Variants in RHOJ observed in about 807,000 individuals in gnomAD.
RHOJ encodes the protein rho-related GTP-binding protein RhoJ.
A neutral mutation model predicts 23.4 loss-of-function variants in RHOJ; 11 were observed. The observed-to-expected ratio is 0.47, with a 90% CI of 0.30 to 0.78. RHOJ has a LOEUF of 0.78. Ranked by LOEUF, RHOJ falls within the 30% of genes least tolerant of loss-of-function variation. The probability of loss-of-function intolerance (pLI) is 0.08; values close to 1 mark genes in which losing one functional copy is unlikely to be tolerated. For missense variants in RHOJ, 254 were observed against 273.4 expected (o/e 0.93, Z 0.50); for synonymous variants, 102 against 102.7 (o/e 0.99, Z 0.04).
intron 1 of RHOJ, among the ~76,000 whole-genome samples, chr14:63,246,395 G>A (rs778378416): frequency 4.3e-4 from 65 of 152,140 alleles, no homozygotes; most frequent in Middle Eastern, 3.2e-3. Flanking sequence ...GTTTTCTTCG[G>A]AATCTCTATA....
intron 2 of RHOJ, among the ~76,000 whole-genome samples, chr14:63,275,503 C>T (rs1052468506): frequency 1.3e-5 from 2 of 152,124 alleles, no homozygotes; most frequent in Non-Finnish European, 2.9e-5. Flanking sequence ...TTTCGTGTTT[C>T]ATAATCACCC....
intron 1 of RHOJ, among the ~76,000 whole-genome samples, chr14:63,242,341 C>T (rs993975147): frequency 1.3e-5 from 2 of 152,130 alleles, no homozygotes; most frequent in African/African-American, 4.8e-5. Context: ...AGGAGAATGA[C>T]TTAAGACCAG....
At chr14:63,211,070 T>C (rs1005339479) in intron 1 of RHOJ, among the ~76,000 whole-genome samples, 1 of 152,212 alleles carries the variant, frequency 6.6e-6, no homozygotes, top group Non-Finnish European at 1.5e-5. Context: ...AAGTTGTTTT[T>C]ACAGAAAGCT....
At chr14:63,264,349 T>C (rs1895328699) in intron 1 of RHOJ, among the ~76,000 whole-genome samples, 1 of 152,222 alleles carries the variant, frequency 6.6e-6, no homozygotes, top group South Asian at 2.1e-4. Flanking sequence ...AGAACATGAT[T>C]TTATTCTTTT....
intron 1 of RHOJ, among the ~76,000 whole-genome samples, chr14:63,239,610 C>T (rs901902410): frequency 2.0e-5 from 3 of 152,214 alleles, no homozygotes; most frequent in Non-Finnish European, 4.4e-5. Flanking sequence ...CTGAAAGTTG[C>T]TTTGACTAGA....
intron 1 of RHOJ, among the ~76,000 whole-genome samples, chr14:63,207,463 T>C (rs1202114528): frequency 1.3e-5 from 2 of 152,206 alleles, no homozygotes; most frequent in African/African-American, 2.4e-5. Flanking sequence ...CTACAATCAA[T>C]TGTAAAAAAC....
chr14:63,280,511 G>A (rs1881864787), intron 2 of RHOJ, among the ~76,000 whole-genome samples: 1 of 152,112 alleles, frequency 6.6e-6, no homozygotes, highest in Non-Finnish European at 1.5e-5. Context: ...CTGGAAATAT[G>A]CTAAGAGAGT....
intron 2 of RHOJ, among the ~76,000 whole-genome samples, chr14:63,275,179 C>T (rs1205356233): frequency 1.3e-5 from 2 of 151,948 alleles, no homozygotes; most frequent in Non-Finnish European, 2.9e-5. Context: ...ATTACCCAGG[C>T]GTGGTGTGCA....
chr14:63,236,748 AACACAC>A lies in RHOJ; in HGVS notation c.178+31737_178+31742del, dbSNP rs59297455. On this transcript the variant is annotated intron_variant, in intron 1 of 4. Coordinates refer to ENST00000316754, the MANE Select transcript of RHOJ (RefSeq NM_020663.5). ...TCTCTCTTCATGGGAAGAGGCTTGA[AACACAC>A]ACACACACACACACACACACACACA... 4.4e-3 allele frequency among the ~76,000 whole-genome samples: 615 copies of A among 138,442 alleles called. 4 individuals are homozygous for A. Among genetic ancestry groups the A allele is most frequent in the South Asian group, 0.012 (50 of 4,222 alleles). The allele number at this position is 138,442 out of a possible 152,430, so 90.8% of individuals were successfully genotyped here.
At chr14:63,250,807 G>T (rs2139640200) in intron 1 of RHOJ, among the ~76,000 whole-genome samples, 1 of 152,232 alleles carries the variant, frequency 6.6e-6, no homozygotes, top group South Asian at 2.1e-4. Context: ...ACCAAGGTAG[G>T]CAGATCACTT....
Position 63,242,345 on chromosome 14 carries a change from A to C in RHOJ, c.179-26765A>C, listed in dbSNP as rs547127803. Reference sequence around the variant, plus strand: ...CTTGAGGAGGCAGGAGAATGACTTAAGACCAGGAGTTTGAGAACACCCTGG... The same window carrying C: ...CTTGAGGAGGCAGGAGAATGACTTACGACCAGGAGTTTGAGAACACCCTGG... On this transcript the variant is annotated intron_variant, in intron 1 of 4. Transcript: ENST00000316754. 2.6e-5 allele frequency among the ~76,000 whole-genome samples: 4 copies of C among 152,342 alleles called. No homozygotes were observed. The South Asian group carries it at 8.3e-4, about 32-fold the overall frequency.
chr14:63,256,973 G>A (rs1344048474), intron 1 of RHOJ, among the ~76,000 whole-genome samples: 1 of 152,032 alleles, frequency 6.6e-6, no homozygotes, highest in Non-Finnish European at 1.5e-5. Context: ...TCAGGAGTCT[G>A]AGGCAGGAGA....
In RHOJ at chr14:63,209,171, A is replaced by AATTCC. The variant is rs1373429504; in HGVS notation, c.178+4124_178+4125insATTCC. Reference sequence around the variant, plus strand: ...CAAGCCACCATCATCTCTCATCCAAACTACTATAATCAATTCCCAATTCCC... The same window carrying AATTCC: ...CAAGCCACCATCATCTCTCATCCAAAATTCCCTACTATAATCAATTCCCAATTCCC... On this transcript the variant is annotated intron_variant, in intron 1 of 4. Coordinates refer to ENST00000316754, the MANE Select transcript of RHOJ (RefSeq NM_020663.5). Among the ~76,000 whole-genome samples the AATTCC allele has an allele frequency of 4.9e-4, 75 of 152,152 alleles. 1 individual carries two copies. Among genetic ancestry groups the AATTCC allele is most frequent in the African/African-American group, 1.7e-3 (72 of 41,496 alleles).
chr14:63,276,111 A>G (rs1004467331), intron 2 of RHOJ, among the ~76,000 whole-genome samples: 13 of 152,172 alleles, frequency 8.5e-5, no homozygotes, highest in Non-Finnish European at 1.5e-5. Context: ...AGGGAAGAAC[A>G]GTCACCTGTG....
intron 1 of RHOJ, among the ~76,000 whole-genome samples, chr14:63,225,900 A>G (rs761039333): frequency 6.6e-6 from 1 of 152,186 alleles, no homozygotes; most frequent in Admixed American, 6.5e-5. Flanking sequence ...GGTTCACATC[A>G]CAGAAGCTAA....
intron 1 of RHOJ, among the ~76,000 whole-genome samples, chr14:63,214,052 A>G (rs946208091): frequency 3.3e-5 from 5 of 152,208 alleles, no homozygotes; most frequent in African/African-American, 1.2e-4. Flanking sequence ...TATACCAAAT[A>G]CAATACGCAC....
rs547771954 is a variant in RHOJ at position 63,236,455 on chromosome 14, C to T, written c.178+31408C>T. 2.6e-5 allele frequency among the ~76,000 whole-genome samples: 4 copies of T among 152,240 alleles called. No homozygotes were observed. In the East Asian group the frequency reaches 7.7e-4, roughly 29 times the overall value. ...AAAGGTGAGGAGGAGCAAGTCACAT[C>T]CTACGTGGATGGTGTTAGGCAAAGA... is the stretch of plus-strand genomic sequence containing the variant. On this transcript the variant is annotated intron_variant, in intron 1 of 4. Transcript: ENST00000316754.
chr14:63,211,240 A>G (rs1394904968), intron 1 of RHOJ, among the ~76,000 whole-genome samples: 1 of 152,216 alleles, frequency 6.6e-6, no homozygotes, highest in Non-Finnish European at 1.5e-5. Context: ...ATAAAGTCCC[A>G]GGTTTATAAA....
chr14:63,280,884 G>A (rs1881875639), intron 2 of RHOJ, 87 bp from the exon 3 acceptor site: 1 of 1,311,462 alleles, frequency 7.6e-7, no homozygotes, highest in Admixed American at 2.3e-5. Flanking sequence ...GTGCGCTGTA[G>A]TGGACTCTTA....
Sources: gnomAD v4.1 joint callset for allele counts (sites outside exome capture counted in the v4.1 genomes callset) on GRCh38, gnomAD v4.1.1 for gene constraint, MANE v1.5 for transcripts, NCBI Gene and HGNC (gene_info 2026-07-23, HGNC 2026-07-21) for gene names.